The following FLNC variants were observed in gnomAD, a reference collection of about 807,000 sequenced individuals.
FLNC encodes filamin C.
In FLNC, 91 loss-of-function variants were observed where a neutral mutation model predicts 254.3. That is an observed-to-expected ratio of 0.36 (90% confidence interval 0.30 to 0.43). The LOEUF is 0.43. Ranked by LOEUF, FLNC falls within the 20% of genes least tolerant of loss-of-function variation. The probability of loss-of-function intolerance (pLI) is 1.00; values close to 1 mark genes in which losing one functional copy is unlikely to be tolerated. For missense variants in FLNC, 2,853 were observed against 3,802.6 expected (o/e 0.75, Z 6.57); for synonymous variants, 1,430 against 1,577.2 (o/e 0.91, Z 2.21).
At chr7:128,847,017 C>T (rs1432868856) in intron 24 of FLNC, 112 bp downstream of exon 24, 7 of 1,395,696 alleles carry the variant, frequency 5.0e-6, no homozygotes, top group Non-Finnish European at 7.0e-6. Flanking sequence ...ATAGAGAGGA[C>T]AGCCTAGAGT....
Position 128,844,263 on chromosome 7 carries a change from C to A in FLNC, c.3189C>A (p.Ser1063=). The A allele has an allele frequency of 6.2e-7, 1 of 1,604,126 alleles. No homozygotes were observed. Among genetic ancestry groups the A allele is most frequent in the Non-Finnish European group, 8.5e-7 (1 of 1,174,054 alleles). The change falls in exon 20 of 48, where the codon TCC becomes TCA. Residue 1063 remains serine (S), a synonymous_variant. Coordinates refer to ENST00000325888, the MANE Select transcript of FLNC (RefSeq NM_001458.5). The part of the protein sequence containing the change: ...AVEGVLPPDP[S]KVCAYGPGLK... Reference sequence around the variant, plus strand: ...AGGGTGTCCTGCCCCCTGATCCCTCCAAGGTGAGGAGATAGGAGCTGGTTG... The same window carrying A: ...AGGGTGTCCTGCCCCCTGATCCCTCAAAGGTGAGGAGATAGGAGCTGGTTG...
intron 8 of FLNC, 97 bp from the exon 9 acceptor site, chr7:128,839,926 T>TG (rs1181566526): frequency 2.0e-6 from 3 of 1,503,078 alleles, no homozygotes; most frequent in South Asian, 2.3e-5. Flanking sequence ...CCACTGCCTG[T>TG]GCCTGGGAGG....
intron 21 of FLNC, among the ~76,000 whole-genome samples, chr7:128,845,477 C>T (rs1030995665): frequency 1.3e-5 from 2 of 152,120 alleles, no homozygotes; most frequent in Non-Finnish European, 2.9e-5. Context: ...GGCAAAACTG[C>T]ACCTGCCTCT....
At position 128,840,822 on chromosome 7, in the gene FLNC, C is replaced by G. The variant is rs763076781; in HGVS notation, c.1677-12C>G. ...ACTTCCTGGCATGGACACCAGCTCC[C>G]TCTCTGCCCAGCCCCTTTGAGGTAC... On this transcript the variant is annotated splice_polypyrimidine_tract_variant and intron_variant, in intron 10 of 47. Transcript: ENST00000325888. 6.2e-7 allele frequency: 1 copy of G among 1,614,020 alleles called. No individual in the cohort carries two copies. Among genetic ancestry groups the G allele is most frequent in the Non-Finnish European group, 8.5e-7 (1 of 1,180,022 alleles).
At chr7:128,849,618 G>A (rs548488781) in intron 30 of FLNC, 40 bp downstream of exon 30, 3 of 1,607,320 alleles carry the variant, frequency 1.9e-6, no homozygotes, top group East Asian at 2.2e-5. Context: ...TGGCTGGGGA[G>A]GGGGGCCTGG....
At position 128,851,349 on chromosome 7, in the gene FLNC, A is replaced by T. The variant is rs771960952; in HGVS notation, c.5657A>T (p.Asp1886Val). The change falls in exon 34 of 48, where the codon GAT becomes GTT. Residue 1886 changes from aspartate (D) to valine (V), a missense_variant. By Grantham distance (152) the Asp-to-Val change is radical. Transcript: ENST00000325888. ...GCCACCTTCACTATTGTCACCAAAG[A>T]TGCTGGAGAAGGTGAGGGAGCTGCA... is the stretch of plus-strand genomic sequence containing the variant. ...KPATFTIVTK[D>V]AGEGGLSLAV... 1 of 1,614,128 alleles carries T rather than the reference A, an allele frequency of 6.2e-7. No homozygotes were observed. Among genetic ancestry groups the T allele is most frequent in the Non-Finnish European group, 8.5e-7 (1 of 1,180,048 alleles).
chr7:128,846,014 A>T lies in FLNC; in HGVS notation c.3815A>T (p.Glu1272Val). 1 of 1,613,794 alleles carries T rather than the reference A, an allele frequency of 6.2e-7. No individual in the cohort carries two copies. The highest frequency in any genetic ancestry group is 8.5e-7 in the Non-Finnish European group (1 of 1,179,974). The change falls in exon 22 of 48, where the codon GAG becomes GTG. Residue 1272 changes from glutamate to valine, a missense_variant. Coordinates refer to ENST00000325888, the MANE Select transcript of FLNC (RefSeq NM_001458.5). ...PHGVLREVTT[E>V]FTVDARSLTA... is the part of the protein sequence containing the mutation. ...GGTGTCCTGCGGGAGGTGACCACTG[A>T]GTTCACTGTGGATGCAAGATCCCTA...
chr7:128,833,822 G>C (rs763587984), intron 1 of FLNC, among the ~76,000 whole-genome samples: 1 of 151,798 alleles, frequency 6.6e-6, no homozygotes, highest in Admixed American at 6.6e-5. Flanking sequence ...GTGTGTCATG[G>C]AATCTGAAAG....
chr7:128,834,349 C>G (rs545292405), intron 1 of FLNC, among the ~76,000 whole-genome samples: 119 of 144,364 alleles, frequency 8.2e-4, no homozygotes, highest in Non-Finnish European at 1.4e-3. Context: ...AGTTCTGGCT[C>G]AAAGGATTCC....
chr7:128,848,425 A>T lies in FLNC; in HGVS notation c.4581-136A>T, dbSNP rs1808656728. 15 of 950,220 alleles carry T rather than the reference A, an allele frequency of 1.6e-5. 1 individual carries two copies. The highest frequency in any genetic ancestry group is 9.6e-5 in the African/African-American group (6 of 62,472). 58.9% of individuals were successfully genotyped at this position (950,220 alleles called of 1,614,324 possible). On this transcript the variant is annotated intron_variant, in intron 26 of 47. Transcript: ENST00000325888. ...CATGGAATGTCATCGGCTTCTGGGA[A>T]CTGGTCCCTCCTCCCTGCCCCACAG...
chr7:128,852,470 C>CT (rs1808858063), intron 35 of FLNC, 121 bp from the exon 36 acceptor site: 4 of 1,161,278 alleles, frequency 3.4e-6, no homozygotes, highest in Non-Finnish European at 5.1e-6. Context: ...CTCCGTGCAC[C>CT]TGGGAGTGGC....
In FLNC at chr7:128,850,849, C is replaced by T. The variant is rs758995789; in HGVS notation, c.5445C>T (p.Thr1815=). ...PSGKTARPNI[T]DNKDGTITVR... ...GGAAGACGGCACGGCCCAACATCAC[C>T]GACAACAAGGACGGCACCATCACGG... Residue 1815 remains threonine (T), a synonymous_variant, in exon 33 of 48, where the codon ACC becomes ACT. Transcript: ENST00000325888. 1.3e-4 allele frequency: 213 copies of T among 1,613,496 alleles called. No individual in the cohort carries two copies. The highest frequency in any genetic ancestry group is 6.7e-4 in the South Asian group (61 of 91,054).
At position 128,857,363 on chromosome 7, in the gene FLNC, C is replaced by T. The variant is rs776236116; in HGVS notation, c.7780+27C>T. 21 of 1,565,682 alleles carry T rather than the reference C, an allele frequency of 1.3e-5. No homozygotes were observed. In the East Asian group the frequency reaches 4.3e-4, roughly 32 times the overall value. ...TGAGTGCCAGTTTGGGGGAGGTCCA[C>T]CCAGCCTGCAGCCCAGCCCAGCCTG... On this transcript the variant is annotated intron_variant, in intron 46 of 47. Coordinates refer to ENST00000325888, the MANE Select transcript of FLNC (RefSeq NM_001458.5). The surrounding 1 kb of genome is among the most constrained non-coding windows in gnomAD (Gnocchi z 4.5).
rs372668691 is a variant in FLNC, at chr7:128,841,292, G to A, written c.1936G>A (p.Asp646Asn). 25 of 1,613,960 alleles carry A rather than the reference G, an allele frequency of 1.5e-5. No individual in the cohort carries two copies. Among genetic ancestry groups the A allele is most frequent in the African/African-American group, 4.0e-5 (3 of 74,916 alleles). ...GTACGCTGTGCACGTCATCTGTGAC[G>A]ATGAGGACATCCGAGACTCACCCTT... Reference protein sequence around the residue: ...GEYAVHVICDDEDIRDSPFIA... With the variant: ...GEYAVHVICDNEDIRDSPFIA... The change falls in exon 12 of 48, where the codon GAT becomes AAT. Residue 646 changes from aspartate to asparagine, a missense_variant. Coordinates refer to ENST00000325888, the MANE Select transcript of FLNC (RefSeq NM_001458.5). This position sits in a 1 kb window ranked among gnomAD's most constrained non-coding sequence, Gnocchi z 4.3.
chr7:128,840,670 C>G lies in FLNC; in HGVS notation c.1672C>G (p.Arg558Gly), dbSNP rs370326975. ...CACGTGGGGCGGCTACGCCATCCCT[C>G]GCAGGTGAGTACCTTGCGCCCCCCA... ...TITWGGYAIPRSPFEVQVSPE... is the reference protein window; with the variant it reads ...TITWGGYAIPGSPFEVQVSPE... The change falls in exon 10 of 48, where the codon CGC (arginine) becomes GGC (glycine). Residue 558 changes from arginine (R) to glycine (G), a missense_variant. By Grantham distance (125) the Arg-to-Gly change is moderately radical (BLOSUM62 -2). This residue lies in a region of FLNC where 1,573 missense variants were observed against 1,883.5 expected (regional missense o/e 0.84). Transcript: ENST00000325888. 4 of 1,612,972 alleles carry G rather than the reference C, an allele frequency of 2.5e-6. No homozygotes were observed. The African/African-American group carries it at 5.4e-5, about 22-fold the overall frequency.
chr7:128,837,616 G>C (rs753342024), intron 4 of FLNC, 21 bp from the exon 5 acceptor site: 1 of 1,613,130 alleles, frequency 6.2e-7, no homozygotes, highest in Non-Finnish European at 8.5e-7. Context: ...GAGTAACCTG[G>C]GCTCTGCTCC....
intron 8 of FLNC, among the ~76,000 whole-genome samples, chr7:128,839,763 C>G (rs970111968): frequency 6.6e-6 from 1 of 152,234 alleles, no homozygotes; most frequent in Non-Finnish European, 1.5e-5. Flanking sequence ...CTCTCTGAGC[C>G]CACTCTCAGC....
At chr7:128,838,130 CCT>C in intron 6 of FLNC, 66 bp downstream of exon 6, 1 of 1,503,038 alleles carries the variant, frequency 6.7e-7, no homozygotes, top group Non-Finnish European at 9.3e-7. Context: ...TGCATGGACC[CCT>C]CTCTCAGCCT....
rs775105479 is a variant in FLNC at position 128,840,957 on chromosome 7, G to T, written c.1800G>T (p.Glu600Asp). 2 of 1,598,508 alleles carry T rather than the reference G, an allele frequency of 1.3e-6. No homozygotes were observed. Among genetic ancestry groups the T allele is most frequent in the Non-Finnish European group, 1.7e-6 (2 of 1,172,380 alleles). ...TTGTGGTGGAAGCCATTGGCACCGA[G>T]GTGGGGACACTGGGTAAGTGGCTGG... ...ADFVVEAIGT[E>D]VGTLGFSIEG... The change falls in exon 11 of 48, where the codon GAG becomes GAT. Residue 600 changes from glutamate (E) to aspartate (D), a missense_variant. Around this residue, in one of 10 missense-constraint regions of FLNC, gnomAD observed 1,573 missense variants for 1,883.5 expected, o/e 0.84. Coordinates refer to ENST00000325888, the MANE Select transcript of FLNC (RefSeq NM_001458.5).
Sources: allele counts gnomAD v4.1 joint callset (sites outside exome capture counted in the v4.1 genomes callset), GRCh38; gene constraint gnomAD v4.1.1; regional missense constraint gnomAD v4.1.1; non-coding constraint Gnocchi (gnomAD v3.1); transcripts MANE v1.5; gene names NCBI Gene and HGNC (gene_info 2026-07-23, HGNC 2026-07-21).